Variants in PLXNC1 observed in about 807,000 individuals in gnomAD.
PLXNC1 encodes plexin-C1.
A neutral mutation model predicts 178.2 loss-of-function variants in PLXNC1; 75 were observed. That is an observed-to-expected ratio of 0.42 (90% CI 0.35 to 0.51). PLXNC1 has a LOEUF of 0.51. PLXNC1 is among the 20% of genes least tolerant of loss of function. The pLI is 0.02. For missense variants in PLXNC1, 1,503 were observed against 1,984.4 expected, an observed-to-expected ratio of 0.76 and a Z score of 4.61; for synonymous variants, 790 against 779.9, an observed-to-expected ratio of 1.01 and a Z score of -0.22.
chr12:94,201,930 C>G (rs764424195), intron 4 of PLXNC1, among the ~76,000 whole-genome samples: 36 of 151,888 alleles, frequency 2.4e-4, no homozygotes, highest in Admixed American at 7.2e-4. Flanking sequence ...CCTCGCCCAG[C>G]TAATTTTTTG....
Position 94,268,433 on chromosome 12 carries a change from A to T in PLXNC1, c.3597+3208A>T, listed in dbSNP as rs1034850800. Among the ~76,000 whole-genome samples, 7 of 152,158 alleles carry T rather than the reference A, an allele frequency of 4.6e-5. No homozygotes were observed. The South Asian group carries it at 1.5e-3, about 32-fold the overall frequency. On this transcript the variant is annotated intron_variant, in intron 21 of 30. Transcript: ENST00000258526. ...ACCATCCTTCTCTATCAAGCATTCC[A>T]GGCTGGTGTTTAATGAGGCAACAGT...
In PLXNC1 at chr12:94,306,380, G is replaced by A. The variant is rs553314454; in HGVS notation, c.*1095G>A. On this transcript the variant is annotated 3_prime_UTR_variant, in exon 31 of 31. Coordinates refer to ENST00000258526, the MANE Select transcript of PLXNC1 (RefSeq NM_005761.3). Reference sequence around the variant, plus strand: ...TATGTACTTTTTGAAAGTATTCCTCGCAGGAGAAAGAATTTAAAATACCCA... The same window carrying A: ...TATGTACTTTTTGAAAGTATTCCTCACAGGAGAAAGAATTTAAAATACCCA... 6.6e-5 allele frequency: 10 copies of A among 152,130 alleles called. No homozygotes were observed. The highest frequency in any genetic ancestry group is 1.2e-4 in the African/African-American group (5 of 41,512). The allele number at this position is 152,130 out of a possible 1,614,324, so 9.4% of individuals were successfully genotyped here.
intron 12 of PLXNC1, among the ~76,000 whole-genome samples, chr12:94,245,299 G>T (rs1483665056): frequency 6.6e-6 from 1 of 152,200 alleles, no homozygotes; most frequent in Non-Finnish European, 1.5e-5. Flanking sequence ...ACCTACTGCA[G>T]GCAAAACATT....
chr12:94,230,023 A>G (rs957026336), intron 9 of PLXNC1, among the ~76,000 whole-genome samples: 47 of 152,354 alleles, frequency 3.1e-4, no homozygotes, highest in Admixed American at 3.1e-3. Flanking sequence ...CGTTGACAGC[A>G]GTCAAGACAC....
Position 94,260,575 on chromosome 12 carries a change from T to A in PLXNC1, c.3252-67T>A, listed in dbSNP as rs1964967118. The A allele has an allele frequency of 1.7e-6, 2 of 1,193,330 alleles. No individual in the cohort carries two copies. Among genetic ancestry groups the A allele is most frequent in the Non-Finnish European group, 2.4e-6 (2 of 830,512 alleles). The allele number at this position is 1,193,330 out of a possible 1,614,324, so 73.9% of individuals were successfully genotyped here. Reference sequence around the variant, plus strand: ...TCCCTGCCCTGCCAGTGAGCTTCCATGGAAACTCCCATGGGTGTCCAGCTA... The same window carrying A: ...TCCCTGCCCTGCCAGTGAGCTTCCAAGGAAACTCCCATGGGTGTCCAGCTA... On this transcript the variant is annotated intron_variant, in intron 19 of 30. Coordinates refer to ENST00000258526, the MANE Select transcript of PLXNC1 (RefSeq NM_005761.3). The surrounding 1 kb of genome is among the most constrained non-coding windows in gnomAD (Gnocchi z 4.4).
At position 94,220,018 on chromosome 12, in the gene PLXNC1, T is replaced by G. The variant is rs924632188; in HGVS notation, c.1557T>G (p.Thr519=). 3.1e-6 allele frequency: 5 copies of G among 1,613,614 alleles called. No individual in the cohort carries two copies. In the African/African-American group the frequency reaches 6.7e-5, roughly 22 times the overall value. ...IQIIRSSKEK[T]TVTMVGSFSP... is the part of the protein sequence containing the mutation. ...TTCCCCATATCTTCCCCGCACAGAC[T>G]ACAGTGACTATGGTGGGAAGCTTCT... The change falls in exon 6 of 31, where the codon ACT becomes ACG. Residue 519 remains threonine, a splice_region_variant and synonymous_variant. Coordinates refer to ENST00000258526, the MANE Select transcript of PLXNC1 (RefSeq NM_005761.3).
At chr12:94,205,836 C>G (rs1963282591) in intron 4 of PLXNC1, among the ~76,000 whole-genome samples, 1 of 152,220 alleles carries the variant, frequency 6.6e-6, no homozygotes, top group African/African-American at 2.4e-5. Flanking sequence ...GTTGAGGTCC[C>G]AGGAAGCCAG....
intron 5 of PLXNC1, among the ~76,000 whole-genome samples, chr12:94,219,253 A>G (rs951110771): frequency 6.6e-6 from 1 of 152,242 alleles, no homozygotes; most frequent in African/African-American, 2.4e-5. Context: ...TTATTAGAGC[A>G]GAGCAGAGTT....
At position 94,218,292 on chromosome 12, in the gene PLXNC1, C is replaced by A. The variant is rs191293655; in HGVS notation, c.1555-1724C>A. On this transcript the variant is annotated intron_variant, in intron 5 of 30. Transcript: ENST00000258526. ...TTCCAGCATGATAATATGGCCAGAACTTTTTGAAAATGGGAAGATAGGGGT... is the reference window on the plus strand; with the variant it reads ...TTCCAGCATGATAATATGGCCAGAAATTTTTGAAAATGGGAAGATAGGGGT... 2.3e-3 allele frequency among the ~76,000 whole-genome samples: 345 copies of A among 152,246 alleles called. 1 individual carries two copies. Among genetic ancestry groups the A allele is most frequent in the African/African-American group, 7.8e-3 (326 of 41,540 alleles).
intron 4 of PLXNC1, among the ~76,000 whole-genome samples, chr12:94,196,642 G>T (rs1399341854): frequency 1.3e-5 from 2 of 152,192 alleles, no homozygotes; most frequent in African/African-American, 4.8e-5. Flanking sequence ...GAAAAGTCCA[G>T]ATGGATGTGA....
intron 2 of PLXNC1, among the ~76,000 whole-genome samples, chr12:94,180,531 C>T (rs935700706): frequency 5.3e-5 from 8 of 152,168 alleles, no homozygotes; most frequent in African/African-American, 1.9e-4. Flanking sequence ...TTGTTCACTG[C>T]CATTTTTCAA....
rs1307953951 is a variant in PLXNC1, at chr12:94,275,728, G to A, written c.3598-3744G>A. On this transcript the variant is annotated intron_variant, in intron 21 of 30. Transcript: ENST00000258526. Reference sequence around the variant, plus strand: ...AAATTAGCCGGGCGTAGTGGCGGGCGCCTGTAGTCCCAGCTACTTGGGAGG... The same window carrying A: ...AAATTAGCCGGGCGTAGTGGCGGGCACCTGTAGTCCCAGCTACTTGGGAGG... 2.3e-5 allele frequency among the ~76,000 whole-genome samples: 3 copies of A among 128,470 alleles called. 1 individual carries two copies. Among genetic ancestry groups the A allele is most frequent in the South Asian group, 4.8e-4 (2 of 4,208 alleles). The allele number at this position is 128,470 out of a possible 152,430, so 84.3% of individuals were successfully genotyped here. A position where few individuals can be genotyped will look rare whatever the true frequency, so the allele number is the denominator to read the frequency against.
At chr12:94,177,489 G>C (rs1410239724) in intron 2 of PLXNC1, among the ~76,000 whole-genome samples, 1 of 139,326 alleles carries the variant, frequency 7.2e-6, no homozygotes, top group Non-Finnish European at 1.6e-5. Flanking sequence ...TGTAAAAAAA[G>C]AAAGAAAGAA....
Position 94,303,736 on chromosome 12 carries a change from T to G in PLXNC1, c.4387-20T>G. On this transcript the variant is annotated intron_variant, in intron 28 of 30. Transcript: ENST00000258526. ...TTACTCTTTTGGTGATGGTTGCTTTTTTTTTTTTTTTTTCCCCAGGAAGCA... is the reference window on the plus strand; with the variant it reads ...TTACTCTTTTGGTGATGGTTGCTTTGTTTTTTTTTTTTTCCCCAGGAAGCA... 12 of 1,271,968 alleles carry G rather than the reference T, an allele frequency of 9.4e-6. No homozygotes were observed. The highest frequency in any genetic ancestry group is 3.1e-5 in the East Asian group (1 of 32,306). 78.8% of individuals were successfully genotyped at this position (1,271,968 alleles called of 1,614,324 possible).
chr12:94,289,832 G>T (rs1453813863), intron 23 of PLXNC1, among the ~76,000 whole-genome samples: 1 of 152,174 alleles, frequency 6.6e-6, no homozygotes, highest in African/African-American at 2.4e-5. Context: ...AGTTAGAAAT[G>T]CACTCACACA....
At chr12:94,152,279 G>T (rs989589825) in intron 1 of PLXNC1, among the ~76,000 whole-genome samples, 1 of 152,188 alleles carries the variant, frequency 6.6e-6, no homozygotes, top group Non-Finnish European at 1.5e-5. Context: ...GAATGAAAAA[G>T]GGTGGTAGTT....
Position 94,181,533 on chromosome 12 carries a change from C to G in PLXNC1, c.1291C>G (p.Pro431Ala). Residue 431 changes from proline (P) to alanine (A), a missense_variant, in exon 3 of 31, where the codon CCT becomes GCT. Pro to Ala is a conservative substitution (Grantham distance 27). Around this residue, in one of 4 missense-constraint regions of PLXNC1, gnomAD observed 615 missense variants for 698.6 expected, o/e 0.88. Coordinates refer to ENST00000258526, the MANE Select transcript of PLXNC1 (RefSeq NM_005761.3). ...GACACCTGTTTTCTACAAACTCGTT[C>G]CTGATCCTGTGAAGAATATCTACAT... ...EETPVFYKLV[P>A]DPVKNIYIYL... 1.2e-6 allele frequency: 2 copies of G among 1,608,556 alleles called. No homozygotes were observed. Among genetic ancestry groups the G allele is most frequent in the Non-Finnish European group, 1.7e-6 (2 of 1,175,270 alleles).
intron 21 of PLXNC1, among the ~76,000 whole-genome samples, chr12:94,273,190 G>A (rs923087780): frequency 6.6e-6 from 1 of 152,138 alleles, no homozygotes; most frequent in Non-Finnish European, 1.5e-5. Flanking sequence ...AATAAATGCT[G>A]GTCCTTATTA....
chr12:94,184,428 C>T (rs1408614068), intron 3 of PLXNC1, among the ~76,000 whole-genome samples: 5 of 149,164 alleles, frequency 3.4e-5, no homozygotes, highest in African/African-American at 1.2e-4. Context: ...GCCTGGCCCT[C>T]TCTCATTTTT....
Sources: allele counts gnomAD v4.1 joint callset (sites outside exome capture counted in the v4.1 genomes callset), GRCh38; gene constraint gnomAD v4.1.1; regional missense constraint gnomAD v4.1.1; non-coding constraint Gnocchi (gnomAD v3.1); transcripts MANE v1.5; gene names NCBI Gene and HGNC (gene_info 2026-07-23, HGNC 2026-07-21).